MERTK: variants seen among roughly 807,000 people sequenced by gnomAD.
MERTK encodes the protein tyrosine-protein kinase Mer.
Under a neutral mutation model 99.3 loss-of-function variants are expected in MERTK, and 69 were observed. That is an observed-to-expected ratio of 0.70 (90% CI 0.57 to 0.85). The LOEUF (loss-of-function observed/expected upper bound fraction) is 0.85. Among genes scored for constraint, MERTK ranks in the 40% least tolerant of loss-of-function variants. The pLI is 0.00. For missense variants in MERTK, 1,125 were observed against 1,249.4 expected, an observed-to-expected ratio of 0.90 and a Z score of 1.50; for synonymous variants, 426 against 467.6, an observed-to-expected ratio of 0.91 and a Z score of 1.15.
chr2:112,028,171 A>T, intron 18 of MERTK, 180 bp from the exon 19 acceptor site: 1 of 685,436 alleles, frequency 1.5e-6, no homozygotes, highest in South Asian at 1.9e-5. Flanking sequence ...GTCAAATACC[A>T]TGGAACATTT....
chr2:112,014,700 A>G (rs914407717), intron 15 of MERTK, among the ~76,000 whole-genome samples: 10 of 151,856 alleles, frequency 6.6e-5, no homozygotes, highest in African/African-American at 2.4e-4. Context: ...CAGGGGCACA[A>G]TCTTGGCTCA....
chr2:112,011,559 A>G (rs1467711587), intron 15 of MERTK, among the ~76,000 whole-genome samples: 4 of 151,950 alleles, frequency 2.6e-5, no homozygotes, highest in Admixed American at 2.6e-4. Flanking sequence ...GACCAGCCTG[A>G]CCAACATGGT....
chr2:112,016,407 A>G lies in MERTK; in HGVS notation c.2080-3006A>G, dbSNP rs899061814. On this transcript the variant is annotated intron_variant, in intron 15 of 18. Coordinates refer to ENST00000295408, the MANE Select transcript of MERTK (RefSeq NM_006343.3). ...TAGCCACAGATAAGGTGGAAGACACAAAGTGCATAGACAAACAGAAAAATC... is the reference window on the plus strand; with the variant it reads ...TAGCCACAGATAAGGTGGAAGACACGAAGTGCATAGACAAACAGAAAAATC... Among the ~76,000 whole-genome samples the G allele has an allele frequency of 5.4e-4, 82 of 152,370 alleles. 1 individual carries two copies. Among genetic ancestry groups the G allele is most frequent in the Non-Finnish European group, 3.1e-4 (21 of 68,030 alleles).
chr2:111,975,233 C>A, intron 6 of MERTK, 56 bp from the exon 7 acceptor site: 1 of 1,568,712 alleles, frequency 6.4e-7, no homozygotes, highest in Non-Finnish European at 8.8e-7. Context: ...AGGCCCCGTG[C>A]CTGACATTCC....
chr2:111,990,888 T>A (rs1263544009), intron 8 of MERTK, among the ~76,000 whole-genome samples: 1 of 152,192 alleles, frequency 6.6e-6, no homozygotes, highest in Non-Finnish European at 1.5e-5. Context: ...TTGTTAGGGT[T>A]TCTATTCTTC....
chr2:111,930,320 G>T (rs1480662220), intron 2 of MERTK: 1 of 152,730 alleles, frequency 6.5e-6, no homozygotes, highest in African/African-American at 2.4e-5. Flanking sequence ...ACCAAAAGCA[G>T]GGGACCACCA....
At chr2:112,023,580 C>T (rs926244242) in intron 18 of MERTK, among the ~76,000 whole-genome samples, 3 of 152,060 alleles carry the variant, frequency 2.0e-5, no homozygotes, top group Non-Finnish European at 4.4e-5. Flanking sequence ...ACCCAGGCCT[C>T]GGAGTCAATA....
chr2:112,001,794 T>C (rs1010249748), intron 11 of MERTK, among the ~76,000 whole-genome samples: 4 of 152,158 alleles, frequency 2.6e-5, no homozygotes, highest in Non-Finnish European at 5.9e-5. Context: ...AGAAAGGACA[T>C]GCAAATATTA....
chr2:112,009,075 G>A (rs1558805767), intron 14 of MERTK, among the ~76,000 whole-genome samples: 1 of 152,208 alleles, frequency 6.6e-6, no homozygotes, highest in Non-Finnish European at 1.5e-5. Context: ...AGAGAGAAGA[G>A]TAACCTGGAA....
intron 15 of MERTK, among the ~76,000 whole-genome samples, chr2:112,015,604 A>G (rs1209921806): frequency 3.3e-5 from 5 of 152,142 alleles, no homozygotes; most frequent in East Asian, 3.9e-4. Context: ...TGTGGTTTCC[A>G]GAGACTGTTT....
chr2:112,007,593 G>A lies in MERTK; in HGVS notation c.1868-790G>A, dbSNP rs932884500. On this transcript the variant is annotated intron_variant, in intron 13 of 18. Transcript: ENST00000295408. The stretch of plus-strand genomic sequence containing the variant: ...ACTCTCTAGGTACTTCATGTAAGTG[G>A]AATCATAGAGTATTCATCCTTTTGT... Among the ~76,000 whole-genome samples, 38 of 152,106 alleles carry A rather than the reference G, an allele frequency of 2.5e-4. 1 individual carries two copies. The highest frequency in any genetic ancestry group is 8.5e-4 in the African/African-American group (35 of 41,408).
chr2:111,918,804 T>C (rs1157924733), intron 1 of MERTK, among the ~76,000 whole-genome samples: 1 of 152,166 alleles, frequency 6.6e-6, no homozygotes, highest in Non-Finnish European at 1.5e-5. Context: ...GTGCATTGTT[T>C]CACGTGCAAT....
At chr2:111,956,947 C>CTT (rs71385850) in intron 4 of MERTK, among the ~76,000 whole-genome samples, 55 of 137,166 alleles carry the variant, frequency 4.0e-4, no homozygotes, top group Non-Finnish European at 6.4e-4. Context: ...TTTCTTTTTT[C>CTT]TTTTTTTTTT....
intron 4 of MERTK, among the ~76,000 whole-genome samples, chr2:111,953,085 G>A (rs763232210): frequency 1.3e-4 from 20 of 152,168 alleles, no homozygotes; most frequent in Admixed American, 6.5e-4. Context: ...TGACCAGTAG[G>A]AGAGCACTTG....
Position 111,968,143 on chromosome 2 carries a change from C to T in MERTK, c.851C>T (p.Pro284Leu), listed in dbSNP as rs900547007. ...TGTGTTTTGTTTTATGCAGCAATTCCCTCCCCACCAACTGAAGTCAGCATC... is the reference window on the plus strand; with the variant it reads ...TGTGTTTTGTTTTATGCAGCAATTCTCTCCCCACCAACTGAAGTCAGCATC... ...KGVQINIKAI[P>L]SPPTEVSIRN... Residue 284 changes from proline (P) to leucine (L), a missense_variant, in exon 6 of 19, where the codon CCC becomes CTC. Physicochemically the swap from Pro to Leu is moderately conservative, Grantham distance 98 (BLOSUM62 -3). Coordinates refer to ENST00000295408, the MANE Select transcript of MERTK (RefSeq NM_006343.3). 6.2e-7 allele frequency: 1 copy of T among 1,611,776 alleles called. No individual in the cohort carries two copies. The highest frequency in any genetic ancestry group is 1.1e-5 in the South Asian group (1 of 91,032).
At chr2:111,978,161 T>G (rs1455648265) in intron 7 of MERTK, among the ~76,000 whole-genome samples, 1 of 151,296 alleles carries the variant, frequency 6.6e-6, no homozygotes. Flanking sequence ...TTTTGTTTTT[T>G]TTTTTGAGAT....
At chr2:111,989,416 G>A (rs1204947911) in intron 8 of MERTK, among the ~76,000 whole-genome samples, 1 of 151,540 alleles carries the variant, frequency 6.6e-6, no homozygotes, top group African/African-American at 2.4e-5. Flanking sequence ...GAGTGCAGTG[G>A]TGCGGTCTCC....
chr2:111,964,092 G>A (rs1256353115), intron 4 of MERTK, among the ~76,000 whole-genome samples: 4 of 120,988 alleles, frequency 3.3e-5, no homozygotes, highest in Non-Finnish European at 6.7e-5. Flanking sequence ...AGGAGTCACT[G>A]TATGCAGCCC....
intron 4 of MERTK, among the ~76,000 whole-genome samples, chr2:111,955,555 C>T (rs1371684975): frequency 1.3e-5 from 2 of 152,036 alleles, no homozygotes; most frequent in East Asian, 3.9e-4. Context: ...TCATTCTTCC[C>T]CCCAAAATAA....
Sources: gnomAD v4.1 joint callset for allele counts (sites outside exome capture counted in the v4.1 genomes callset) on GRCh38, gnomAD v4.1.1 for gene constraint, MANE v1.5 for transcripts, NCBI Gene and HGNC (gene_info 2026-07-23, HGNC 2026-07-21) for gene names.